The following LRRTM4 variants were observed in gnomAD, a reference collection of about 807,000 sequenced individuals.
LRRTM4 encodes the protein leucine-rich repeat transmembrane neuronal protein 4.
Under a neutral mutation model 47.6 loss-of-function variants are expected in LRRTM4, and 25 were observed. The observed-to-expected ratio is 0.53, with a 90% CI of 0.38 to 0.73. The LOEUF is 0.73. Ranked by LOEUF, LRRTM4 falls within the 30% of genes least tolerant of loss-of-function variation. The probability of loss-of-function intolerance (pLI) is 0.00; values close to 1 mark genes in which losing one functional copy is unlikely to be tolerated. For synonymous variants in LRRTM4, 311 were observed against 269.5 expected (o/e 1.15, Z -1.51); for missense variants, 638 against 713.4 (o/e 0.89, Z 1.20).
intron 3 of LRRTM4, among the ~76,000 whole-genome samples, chr2:76,927,010 T>C (rs1306684465): frequency 6.6e-6 from 1 of 152,194 alleles, no homozygotes; most frequent in Non-Finnish European, 1.5e-5. Context: ...TTACATCTGC[T>C]TAATTTATTT....
chr2:77,451,860 T>C (rs1355437500), intron 3 of LRRTM4, among the ~76,000 whole-genome samples: 1 of 152,192 alleles, frequency 6.6e-6, no homozygotes, highest in Admixed American at 6.5e-5. Context: ...GAAGGAGCTA[T>C]TCATGGGCTG....
chr2:77,082,187 A>G (rs1211411830), intron 3 of LRRTM4, among the ~76,000 whole-genome samples: 1 of 152,038 alleles, frequency 6.6e-6, no homozygotes, highest in Non-Finnish European at 1.5e-5. Flanking sequence ...TTTATTCTTC[A>G]TGTAAAATTC....
chr2:77,438,742 C>G (rs573097053), intron 3 of LRRTM4, among the ~76,000 whole-genome samples: 16 of 152,248 alleles, frequency 1.1e-4, no homozygotes, highest in Admixed American at 8.5e-4. Flanking sequence ...TTAAAAAATT[C>G]TTTTCAGAAA....
intron 3 of LRRTM4, among the ~76,000 whole-genome samples, chr2:76,933,832 G>C (rs913289907): frequency 1.2e-4 from 18 of 152,052 alleles, no homozygotes; most frequent in African/African-American, 4.1e-4. Flanking sequence ...GGAAACACCA[G>C]CTTTAGAGTC....
At chr2:77,480,891 CT>C (rs1294456412) in intron 3 of LRRTM4, among the ~76,000 whole-genome samples, 2 of 148,512 alleles carry the variant, frequency 1.3e-5, no homozygotes, top group Non-Finnish European at 3.0e-5. Flanking sequence ...AGGATTTTCT[CT>C]TTTTTCAAGT....
chr2:77,134,914 C>A (rs1446892946), intron 3 of LRRTM4, among the ~76,000 whole-genome samples: 1 of 152,100 alleles, frequency 6.6e-6, no homozygotes, highest in Non-Finnish European at 1.5e-5. Flanking sequence ...CATCTGCAGA[C>A]AAAATCAGCT....
chr2:76,974,193 T>C (rs28542870), intron 3 of LRRTM4, among the ~76,000 whole-genome samples: 1 of 119,608 alleles, frequency 8.4e-6, no homozygotes, highest in Non-Finnish European at 1.6e-5. Context: ...CATACATATA[T>C]ATACATATAT....
chr2:76,935,390 A>G (rs946860796), intron 3 of LRRTM4, among the ~76,000 whole-genome samples: 1 of 152,206 alleles, frequency 6.6e-6, no homozygotes, highest in African/African-American at 2.4e-5. Context: ...CTGTGAAGAA[A>G]GTCAATGGTA....
At chr2:77,023,022 G>T (rs1000422332) in intron 3 of LRRTM4, among the ~76,000 whole-genome samples, 1 of 152,234 alleles carries the variant, frequency 6.6e-6, no homozygotes, top group Non-Finnish European at 1.5e-5. Flanking sequence ...GCAAACTTCT[G>T]CCTGGACATC....
chr2:77,148,497 A>G (rs1425467108), intron 3 of LRRTM4, among the ~76,000 whole-genome samples: 1 of 152,146 alleles, frequency 6.6e-6, no homozygotes, highest in Non-Finnish European at 1.5e-5. Context: ...ACATTAGCCA[A>G]TTTACTTTTA....
At chr2:77,432,810 T>TCAGAG (rs1675437130) in intron 3 of LRRTM4, among the ~76,000 whole-genome samples, 1 of 152,212 alleles carries the variant, frequency 6.6e-6, no homozygotes, top group Admixed American at 6.5e-5. Context: ...AGAGTCCTGT[T>TCAGAG]TCAGTCTAGC....
chr2:77,384,473 T>C (rs947847353), intron 3 of LRRTM4, among the ~76,000 whole-genome samples: 4 of 151,820 alleles, frequency 2.6e-5, no homozygotes, highest in African/African-American at 9.7e-5. Context: ...CATTAAACTC[T>C]TAATAATTAC....
chr2:77,002,720 T>TG (rs1227372694), intron 3 of LRRTM4, among the ~76,000 whole-genome samples: 2 of 152,138 alleles, frequency 1.3e-5, no homozygotes, highest in African/African-American at 4.8e-5. Flanking sequence ...TTGGTGTCCT[T>TG]GCTCTCACCT....
At chr2:77,217,815 G>C (rs1262024881) in intron 3 of LRRTM4, among the ~76,000 whole-genome samples, 1 of 151,950 alleles carries the variant, frequency 6.6e-6, no homozygotes, top group African/African-American at 2.4e-5. Context: ...ATTGTACTGA[G>C]AGCATGGAAC....
intron 3 of LRRTM4, among the ~76,000 whole-genome samples, chr2:77,050,907 T>C (rs1473128619): frequency 6.6e-6 from 1 of 152,202 alleles, no homozygotes; most frequent in African/African-American, 2.4e-5. Flanking sequence ...ATTTTGATAA[T>C]TCAGTCATAT....
At chr2:77,521,628 A>G in intron 2 of LRRTM4, 40 bp downstream of exon 2, 1 of 1,611,784 alleles carries the variant, frequency 6.2e-7, no homozygotes, top group Non-Finnish European at 8.5e-7. Context: ...AGCCAAGAGG[A>G]TCAGCTTTGC....
chr2:77,308,486 C>T (rs1253492560), intron 3 of LRRTM4, among the ~76,000 whole-genome samples: 1 of 152,008 alleles, frequency 6.6e-6, no homozygotes, highest in Non-Finnish European at 1.5e-5. Flanking sequence ...GAATTTAGAT[C>T]ATATTTTCTT....
intron 3 of LRRTM4, among the ~76,000 whole-genome samples, chr2:77,035,828 A>G (rs917524933): frequency 2.0e-5 from 3 of 151,762 alleles, no homozygotes; most frequent in African/African-American, 7.2e-5. Context: ...TTCCCTAGCT[A>G]CTAAATACGT....
At chr2:77,002,477 A>C (rs1342074534) in intron 3 of LRRTM4, among the ~76,000 whole-genome samples, 3 of 152,186 alleles carry the variant, frequency 2.0e-5, no homozygotes, top group Non-Finnish European at 4.4e-5. Context: ...ACCATTGCTG[A>C]CTACCTAATC....
Sources: gnomAD v4.1 joint callset for allele counts (sites outside exome capture counted in the v4.1 genomes callset) on GRCh38, gnomAD v4.1.1 for gene constraint, MANE v1.5 for transcripts, NCBI Gene and HGNC (gene_info 2026-07-23, HGNC 2026-07-21) for gene names.